Variants in KCNMA1 observed in about 807,000 individuals in gnomAD.
KCNMA1 encodes Calcium-activated potassium channel subunit alpha-1.
Under a neutral mutation model 140.0 loss-of-function variants are expected in KCNMA1, and 29 were observed. That is an observed-to-expected ratio of 0.21 (90% CI 0.15 to 0.28). The LOEUF is 0.28. Among genes scored for constraint, KCNMA1 ranks in the 10% least tolerant of loss-of-function variants. The pLI, the probability that KCNMA1 is intolerant of heterozygous loss-of-function variation, is 1.00. For synonymous variants in KCNMA1, 612 were observed against 611.9 expected, an observed-to-expected ratio of 1.00 and a Z score of 0.00; for missense variants, 880 against 1,602.2, an observed-to-expected ratio of 0.55 and a Z score of 7.70.
chr10:76,961,874 G>GA (rs553353894), intron 20 of KCNMA1, among the ~76,000 whole-genome samples: 17 of 152,144 alleles, frequency 1.1e-4, no homozygotes, highest in East Asian at 5.8e-4. Context: ...ATATGCACTA[G>GA]AAAAAAAATG....
At chr10:76,937,238 A>G (rs1215932418) in intron 23 of KCNMA1, among the ~76,000 whole-genome samples, 1 of 152,216 alleles carries the variant, frequency 6.6e-6, no homozygotes, top group Non-Finnish European at 1.5e-5. Context: ...TTTTTGTCCA[A>G]TGGAGCAGAA....
chr10:77,158,377 A>G (rs987856025), intron 5 of KCNMA1, among the ~76,000 whole-genome samples: 21 of 152,158 alleles, frequency 1.4e-4, no homozygotes, highest in African/African-American at 4.6e-4. Context: ...TAGGATTCAG[A>G]GACTATAGCT....
chr10:76,939,988 G>A (rs572934728), intron 23 of KCNMA1, among the ~76,000 whole-genome samples: 4 of 152,354 alleles, frequency 2.6e-5, no homozygotes, highest in Non-Finnish European at 4.4e-5. Context: ...AAAGGGAAGT[G>A]ACAGGCACTC....
intron 1 of KCNMA1, among the ~76,000 whole-genome samples, chr10:77,571,636 G>A (rs921417944): frequency 6.6e-6 from 1 of 152,150 alleles, no homozygotes; most frequent in East Asian, 1.9e-4. Flanking sequence ...TTCTCCTGTA[G>A]GGGAAAGCTT....
chr10:77,334,949 C>A (rs1430592996), intron 2 of KCNMA1, among the ~76,000 whole-genome samples: 2 of 152,042 alleles, frequency 1.3e-5, no homozygotes, highest in African/African-American at 4.8e-5. Context: ...TATGACACAG[C>A]ACATCTCAAT....
chr10:77,403,294 T>C (rs984124222), intron 2 of KCNMA1, among the ~76,000 whole-genome samples: 2 of 152,148 alleles, frequency 1.3e-5, no homozygotes, highest in African/African-American at 4.8e-5. Flanking sequence ...AAGCGAGCTC[T>C]AGGTACACGG....
At chr10:77,420,828 C>T (rs2096851294) in intron 1 of KCNMA1, among the ~76,000 whole-genome samples, 1 of 152,210 alleles carries the variant, frequency 6.6e-6, no homozygotes, top group Non-Finnish European at 1.5e-5. Context: ...CCACTTCTCT[C>T]CATCTCAGCT....
chr10:76,963,737 CA>C (rs1021301456), intron 20 of KCNMA1, among the ~76,000 whole-genome samples: 60 of 152,210 alleles, frequency 3.9e-4, no homozygotes, highest in African/African-American at 1.4e-3. Flanking sequence ...AGCTAATCAG[CA>C]AATAAATTTA....
intron 5 of KCNMA1, among the ~76,000 whole-genome samples, chr10:77,174,916 C>T (rs1381020551): frequency 6.6e-6 from 1 of 152,194 alleles, no homozygotes; most frequent in Non-Finnish European, 1.5e-5. Context: ...TCACACCCTC[C>T]ACCCAGAGAT....
chr10:77,259,486 T>C (rs2061503441), intron 2 of KCNMA1, among the ~76,000 whole-genome samples: 1 of 152,122 alleles, frequency 6.6e-6, no homozygotes, highest in Non-Finnish European at 1.5e-5. Context: ...TCCATAACTT[T>C]TGGTATGAAG....
intron 1 of KCNMA1, chr10:77,634,485 G>C: frequency 1.0e-6 from 1 of 985,322 alleles, no homozygotes; most frequent in Non-Finnish European, 1.2e-6. Flanking sequence ...GGTTTGGTGC[G>C]ATCCCAGAGA....
chr10:76,934,551 A>G (rs1865018), intron 23 of KCNMA1, among the ~76,000 whole-genome samples: 113,335 of 152,156 alleles, frequency 0.74, 43,346 homozygotes, highest in African/African-American at 0.88. Context: ...TGTCAAAGTC[A>G]TTCCATACAA....
chr10:77,133,299 A>C (rs1003480501), intron 5 of KCNMA1, among the ~76,000 whole-genome samples: 1 of 151,990 alleles, frequency 6.6e-6, no homozygotes, highest in Non-Finnish European at 1.5e-5. Flanking sequence ...TAATAAAATT[A>C]AATTAAAATT....
chr10:77,582,134 C>A (rs1397979349), intron 1 of KCNMA1, among the ~76,000 whole-genome samples: 1 of 152,206 alleles, frequency 6.6e-6, no homozygotes, highest in African/African-American at 2.4e-5. Context: ...CCCACCAGGG[C>A]AAAAGCAGAA....
intron 3 of KCNMA1, among the ~76,000 whole-genome samples, chr10:77,235,621 C>T (rs768674834): frequency 6.6e-5 from 10 of 152,130 alleles, no homozygotes; most frequent in African/African-American, 2.4e-4. Context: ...TTATTCAGCC[C>T]GGGTATGCAG....
At chr10:77,244,200 C>T (rs1302457159) in intron 3 of KCNMA1, among the ~76,000 whole-genome samples, 3 of 152,186 alleles carry the variant, frequency 2.0e-5, no homozygotes, top group Admixed American at 6.5e-5. Context: ...CCTGGCTGGT[C>T]GGATGACCTT....
At chr10:77,436,449 G>A (rs2097264053) in intron 1 of KCNMA1, among the ~76,000 whole-genome samples, 1 of 152,242 alleles carries the variant, frequency 6.6e-6, no homozygotes, top group African/African-American at 2.4e-5. Flanking sequence ...TTTGGCAGGA[G>A]TGCAAGCACT....
At chr10:77,292,730 A>G (rs2073710849) in intron 2 of KCNMA1, among the ~76,000 whole-genome samples, 1 of 152,176 alleles carries the variant, frequency 6.6e-6, no homozygotes, top group Non-Finnish European at 1.5e-5. Flanking sequence ...ATAGTTCCCT[A>G]CATTAAATAT....
At chr10:77,544,392 C>T (rs2154555660) in intron 1 of KCNMA1, among the ~76,000 whole-genome samples, 1 of 152,300 alleles carries the variant, frequency 6.6e-6, no homozygotes, top group Non-Finnish European at 1.5e-5. Context: ...GCCCAGGAAT[C>T]TGATTCCTGA....
Sources: gnomAD v4.1 joint callset for allele counts (sites outside exome capture counted in the v4.1 genomes callset) on GRCh38, gnomAD v4.1.1 for gene constraint, MANE v1.5 for transcripts, NCBI Gene and HGNC (gene_info 2026-07-23, HGNC 2026-07-21) for gene names.